PRKCH: variants seen among roughly 807,000 people sequenced by gnomAD.
PRKCH encodes protein kinase C eta type.
A neutral mutation model predicts 82.5 loss-of-function variants in PRKCH; 28 were observed. The ratio of observed to expected loss-of-function variants is 0.34; its 90% CI spans 0.25 to 0.47. The LOEUF is 0.47. Among genes scored for constraint, PRKCH ranks in the 20% least tolerant of loss-of-function variants. PRKCH has a pLI of 1.00. For synonymous variants in PRKCH, 322 were observed against 327.4 expected (o/e 0.98, Z 0.18); for missense variants, 705 against 881.8 (o/e 0.80, Z 2.54).
Position 61,251,907 on chromosome 14 carries a change from T to C in PRKCH, c.-19+64239T>C, listed in dbSNP as rs1033868135. 2.6e-5 allele frequency among the ~76,000 whole-genome samples: 4 copies of C among 152,124 alleles called. No individual in the cohort carries two copies. The South Asian group carries it at 8.3e-4, about 32-fold the overall frequency. On this transcript the variant is annotated intron_variant, in intron 1 of 3. Coordinates refer to the PRKCH transcript ENST00000555185. ...CAGGCTGGAGTACAGTGGCACAATC[T>C]TGGCTCACTGTAACCTCCACCTACT...
chr14:61,353,928 C>A (rs953823018), intron 1 of PRKCH: 1 of 151,928 alleles, frequency 6.6e-6, no homozygotes, highest in African/African-American at 2.4e-5. Context: ...CAGAGTGAGA[C>A]CCTACCTCTG....
chr14:61,224,561 C>T (rs114510376), intron 1 of PRKCH, among the ~76,000 whole-genome samples: 1,646 of 152,178 alleles, frequency 0.011, 20 homozygotes, highest in African/African-American at 0.038. Context: ...TTGGGTGTTT[C>T]GAAGAATGTC....
intron 1 of PRKCH, among the ~76,000 whole-genome samples, chr14:61,201,747 G>T (rs569935351): frequency 2.3e-4 from 35 of 152,198 alleles, no homozygotes; most frequent in Middle Eastern, 3.4e-3. Context: ...TGGAAGGGTG[G>T]TTAATATATG....
chr14:61,269,620 GT>G (rs565141431), intron 1 of PRKCH, among the ~76,000 whole-genome samples: 178 of 152,222 alleles, frequency 1.2e-3, no homozygotes, highest in Non-Finnish European at 2.1e-3. Context: ...GCGGTATTTG[GT>G]TTTCTGAGGA....
chr14:61,531,679 A>G (rs981914607), intron 12 of PRKCH, among the ~76,000 whole-genome samples: 1 of 152,220 alleles, frequency 6.6e-6, no homozygotes, highest in African/African-American at 2.4e-5. Flanking sequence ...ATCATAACAC[A>G]TAGCTCAATC....
chr14:61,251,361 C>G (rs964112323), intron 1 of PRKCH, among the ~76,000 whole-genome samples: 2 of 152,156 alleles, frequency 1.3e-5, no homozygotes, highest in Non-Finnish European at 2.9e-5. Flanking sequence ...CACTACCCTT[C>G]CCACCCTCTG....
intron 10 of PRKCH, among the ~76,000 whole-genome samples, chr14:61,500,390 G>A (rs1463302865): frequency 1.3e-5 from 2 of 151,908 alleles, no homozygotes; most frequent in African/African-American, 4.8e-5. Flanking sequence ...TAGAGATGGG[G>A]TCTCGCTATG....
intron 1 of PRKCH, among the ~76,000 whole-genome samples, chr14:61,353,165 A>T (rs1253926707): frequency 6.6e-6 from 1 of 152,242 alleles, no homozygotes; most frequent in African/African-American, 2.4e-5. Context: ...GGACCTGTAT[A>T]GCCAAAGTGG....
At chr14:61,191,653 C>CA (rs59056769) in intron 1 of PRKCH, among the ~76,000 whole-genome samples, 46,808 of 145,138 alleles carry the variant, frequency 0.32, 7,418 homozygotes, top group Admixed American at 0.42. Context: ...AGCCCTGTCT[C>CA]AAAAAAAAAA....
chr14:61,299,217 T>C (rs1018514774), intron 1 of PRKCH, among the ~76,000 whole-genome samples: 7 of 152,176 alleles, frequency 4.6e-5, no homozygotes, highest in African/African-American at 1.7e-4. Context: ...TAAATCCTCA[T>C]GGTGGTTCCA....
intron 2 of PRKCH, among the ~76,000 whole-genome samples, chr14:61,410,735 A>G (rs147031266): frequency 3.9e-4 from 60 of 152,262 alleles, no homozygotes; most frequent in East Asian, 3.7e-3. Context: ...CCTGTAGGCA[A>G]CGCACCCGAC....
intron 9 of PRKCH, among the ~76,000 whole-genome samples, chr14:61,467,459 C>T (rs1382076607): frequency 2.0e-5 from 3 of 152,194 alleles, no homozygotes; most frequent in Non-Finnish European, 1.5e-5. Context: ...GAGCATTTGG[C>T]TGAGCCCCTG....
intron 1 of PRKCH, among the ~76,000 whole-genome samples, chr14:61,233,603 A>T (rs1729460176): frequency 6.6e-6 from 1 of 152,046 alleles, no homozygotes; most frequent in Admixed American, 6.5e-5. Flanking sequence ...CATAATCCTC[A>T]TGTGTGGTGG....
chr14:61,405,539 A>T (rs1409430980), intron 2 of PRKCH, among the ~76,000 whole-genome samples: 1 of 152,102 alleles, frequency 6.6e-6, no homozygotes, highest in Non-Finnish European at 1.5e-5. Flanking sequence ...CACCACGCCC[A>T]GCTAATTTTT....
chr14:61,264,515 C>A (rs1050139850), intron 1 of PRKCH, among the ~76,000 whole-genome samples: 1 of 152,204 alleles, frequency 6.6e-6, no homozygotes, highest in South Asian at 2.1e-4. Context: ...GTGCCTAGGG[C>A]CTTCACTAGT....
chr14:61,464,722 C>CT (rs1342771243), intron 9 of PRKCH, among the ~76,000 whole-genome samples: 2 of 152,128 alleles, frequency 1.3e-5, no homozygotes, highest in Non-Finnish European at 2.9e-5. Flanking sequence ...TGAGCTCATT[C>CT]TTTTTTATGG....
At chr14:61,449,347 T>A in intron 5 of PRKCH, 95 bp downstream of exon 5, 1 of 1,038,772 alleles carries the variant, frequency 9.6e-7, no homozygotes, top group Non-Finnish European at 1.5e-6. Context: ...TTCCTCCCCC[T>A]CTTTTCCTTC....
chr14:61,198,130 C>T (rs1262472216), intron 1 of PRKCH, among the ~76,000 whole-genome samples: 1 of 151,656 alleles, frequency 6.6e-6, no homozygotes, highest in East Asian at 1.9e-4. Flanking sequence ...TTAAGCTTTA[C>T]ATCTGGACAA....
At chr14:61,291,339 T>C (rs1195851160) in intron 1 of PRKCH, among the ~76,000 whole-genome samples, 2 of 118,646 alleles carry the variant, frequency 1.7e-5, no homozygotes, top group Non-Finnish European at 3.5e-5. Context: ...TTTTTTTTTT[T>C]TTTTTTTTTG....
Sources: gnomAD v4.1 joint callset for allele counts (sites outside exome capture counted in the v4.1 genomes callset) on GRCh38, gnomAD v4.1.1 for gene constraint, MANE v1.5 for transcripts, NCBI Gene and HGNC (gene_info 2026-07-23, HGNC 2026-07-21) for gene names.